Variants in PLD4 observed in about 807,000 individuals in gnomAD.
PLD4 encodes phospholipase D family member 4, also known as 5'-3' exonuclease PLD4.
PLD4 carries 54 observed loss-of-function variants against 52.3 expected under a neutral mutation model. That is an observed-to-expected ratio of 1.03 (90% CI 0.83 to 1.30). The LOEUF is 1.30. PLD4 is among the 50% of genes most tolerant of loss of function. PLD4 has a pLI of 0.00. For missense variants in PLD4, 731 were observed against 671.1 expected, an observed-to-expected ratio of 1.09 and a Z score of -0.99; for synonymous variants, 264 against 286.5, an observed-to-expected ratio of 0.92 and a Z score of 0.79.
chr14:104,933,438 C>T (rs942288646), downstream of PLD4: 11 of 153,806 alleles, frequency 7.2e-5, no homozygotes, highest in Non-Finnish European at 1.4e-4. Context: ...CCACCTCCCA[C>T]CCCGCGCCGG....
chr14:104,932,097 AACACGG>A lies in PLD4; in HGVS notation c.1147_1152del (p.Thr383_Asp384del), dbSNP rs780421637. 3.1e-6 allele frequency: 5 copies of A among 1,610,788 alleles called. No homozygotes were observed. The South Asian group carries it at 4.4e-5, about 14-fold the overall frequency. ...GCGCCTGCTGGTCGGCTGCGGACTCAACACGGACCCCACCATGTTCCCCTACCTGCG... is the reference window on the plus strand; with the variant it reads ...GCGCCTGCTGGTCGGCTGCGGACTCAACCCCACCATGTTCCCCTACCTGCG... On this transcript the variant is annotated inframe_deletion, in exon 9 of 11. Transcript: ENST00000392593. This position sits in a 1 kb window ranked among gnomAD's most constrained non-coding sequence, Gnocchi z 6.5.
In PLD4 at chr14:104,932,452, G is replaced by A; in HGVS notation, c.1321+97G>A. 7.6e-7 allele frequency: 1 copy of A among 1,317,062 alleles called. No individual in the cohort carries two copies. Among genetic ancestry groups the A allele is most frequent in the Non-Finnish European group, 1.1e-6 (1 of 935,936 alleles). 81.6% of individuals were successfully genotyped at this position (1,317,062 alleles called of 1,614,324 possible). On this transcript the variant is annotated intron_variant, in intron 10 of 10. Transcript: ENST00000392593. The surrounding 1 kb of genome is among the most constrained non-coding windows in gnomAD (Gnocchi z 6.5). ...TGACCGGCGTGGACACCTCAGGAGG[G>A]AGGGGCTGCTGCTGAAGGGGGACGG...
At chr14:104,926,432 C>T (rs964987436) in intron 1 of PLD4, among the ~76,000 whole-genome samples, 3 of 152,194 alleles carry the variant, frequency 2.0e-5, no homozygotes, top group Non-Finnish European at 2.9e-5. Context: ...GGCCTGGCTC[C>T]CAGCTCCTTG....
At chr14:104,925,712 G>A (rs1038566906) in intron 1 of PLD4, among the ~76,000 whole-genome samples, 3 of 152,052 alleles carry the variant, frequency 2.0e-5, no homozygotes, top group African/African-American at 7.2e-5. Flanking sequence ...CCGATGCTGG[G>A]CCCTGAATCC....
intron 3 of PLD4, 27 bp from the exon 4 acceptor site, chr14:104,928,722 C>A: frequency 6.5e-7 from 1 of 1,543,194 alleles, no homozygotes; most frequent in Non-Finnish European, 8.8e-7. Context: ...CGCACCCATA[C>A]TGAGCCCAGT....
Position 104,930,893 on chromosome 14 carries a change from A to T in PLD4, c.869A>T (p.Gln290Leu). The change falls in exon 7 of 11, where the codon CAG becomes CTG. Residue 290 changes from glutamine (Q) to leucine (L), a missense_variant. Physicochemically the swap from Gln to Leu is moderately radical, Grantham distance 113 (BLOSUM62 -2). Coordinates refer to ENST00000392593, the MANE Select transcript of PLD4 (RefSeq NM_138790.5). ...TTCTCATCTCACTTCAACCGTTTCCAGCCCTTCCACGGCCTCTTTGATGGG... is the reference window on the plus strand; with the variant it reads ...TTCTCATCTCACTTCAACCGTTTCCTGCCCTTCCACGGCCTCTTTGATGGG... ...QNFSSHFNRF[Q>L]PFHGLFDGVP... 1 of 1,613,514 alleles carries T rather than the reference A, an allele frequency of 6.2e-7. No individual in the cohort carries two copies. Among genetic ancestry groups the T allele is most frequent in the Non-Finnish European group, 8.5e-7 (1 of 1,180,026 alleles).
Position 104,927,810 on chromosome 14 carries a change from C to T in PLD4, c.228C>T (p.Ser76=), listed in dbSNP as rs146235762. 4.4e-4 allele frequency: 698 copies of T among 1,594,170 alleles called. 6 individuals carry two copies. The African/African-American group carries it at 7.3e-3, about 17-fold the overall frequency. The change falls in exon 3 of 11, where the codon TCC becomes TCT. Residue 76 remains serine, a synonymous_variant. Transcript: ENST00000392593. ...KDVPRSWEHG[S]SPAWEPLEAE... is the part of the protein sequence containing the mutation. ...TGCCCAGGTCCTGGGAGCATGGCTC[C>T]AGCCCAGCTTGGGAGCCCCTGGAAG...
Position 104,930,107 on chromosome 14 carries a change from T to G in PLD4, c.717+2T>G, listed in dbSNP as rs1377983281. On this transcript the variant is annotated splice_donor_variant, in intron 6 of 10. Coordinates refer to ENST00000392593, the MANE Select transcript of PLD4 (RefSeq NM_138790.5). LOFTEE classifies it high-confidence loss of function. ...ATGGACTGGCGGTCTCTGACGCAGG[T>G]GAGTGCCAGGGCCCTAACACAGGAG... The G allele has an allele frequency of 6.2e-7, 1 of 1,613,056 alleles. No homozygotes were observed. The highest frequency in any genetic ancestry group is 8.5e-7 in the Non-Finnish European group (1 of 1,179,958).
chr14:104,929,062 G>A (rs1897553757), intron 4 of PLD4, 130 bp downstream of exon 4: 1 of 1,297,460 alleles, frequency 7.7e-7, no homozygotes, highest in Non-Finnish European at 1.0e-6. Context: ...CATGGAACAG[G>A]GATTAGGCCG....
chr14:104,928,724 G>C (rs769672417), intron 3 of PLD4, 25 bp from the exon 4 acceptor site: 1 of 1,544,862 alleles, frequency 6.5e-7, no homozygotes, highest in Non-Finnish European at 8.8e-7. Flanking sequence ...CACCCATACT[G>C]AGCCCAGTGT....
chr14:104,926,539 C>T (rs1015390067), intron 1 of PLD4, among the ~76,000 whole-genome samples: 1 of 152,210 alleles, frequency 6.6e-6, no homozygotes, highest in Non-Finnish European at 1.5e-5. Flanking sequence ...CATCTCTGCC[C>T]TCTCCACGCC....
At chr14:104,926,646 G>A (rs1897465485) in intron 1 of PLD4, among the ~76,000 whole-genome samples, 1 of 152,206 alleles carries the variant, frequency 6.6e-6, no homozygotes, top group African/African-American at 2.4e-5. Context: ...CAGCCCAGGA[G>A]GGAAGCAGTT....
chr14:104,932,600 G>GT lies in PLD4; in HGVS notation c.1322-164dup, dbSNP rs1270952587. 6.6e-6 allele frequency among the ~76,000 whole-genome samples: 1 copy of GT among 152,224 alleles called. No homozygotes were observed. Among genetic ancestry groups the GT allele is most frequent in the East Asian group, 1.9e-4 (1 of 5,186 alleles). Reference sequence around the variant, plus strand: ...AGGTGGAGTTCTACCGCGACCAGCTGTCCCTCCCGCACCTAAGCGAGGGGC... The same window carrying GT: ...AGGTGGAGTTCTACCGCGACCAGCTGTTCCCTCCCGCACCTAAGCGAGGGGC... On this transcript the variant is annotated intron_variant, in intron 10 of 10. Coordinates refer to ENST00000392593, the MANE Select transcript of PLD4 (RefSeq NM_138790.5). This position sits in a 1 kb window ranked among gnomAD's most constrained non-coding sequence, Gnocchi z 6.5.
chr14:104,932,404 G>C lies in PLD4; in HGVS notation c.1321+49G>C, dbSNP rs774541480. On this transcript the variant is annotated intron_variant, in intron 10 of 10. Transcript: ENST00000392593. This position sits in a 1 kb window ranked among gnomAD's most constrained non-coding sequence, Gnocchi z 6.5. ...GGCGGGCCCCAGGGTGGCCAGGCAC[G>C]GGCGAGGGAGGCACTGGCTTTGTGA... 1.9e-6 allele frequency: 3 copies of C among 1,570,352 alleles called. No homozygotes were observed. Among genetic ancestry groups the C allele is most frequent in the African/African-American group, 1.4e-5 (1 of 73,952 alleles).
downstream of PLD4, chr14:104,934,034 C>CGGG (rs1448333484): frequency 3.9e-5 from 3 of 76,346 alleles, 1 homozygote; most frequent in Admixed American, 3.1e-4. Context: ...GGAGGGGACC[C>CGGG]GCGGCTGAGG....
chr14:104,931,869 G>T lies in PLD4; in HGVS notation c.1040G>T (p.Arg347Leu), dbSNP rs372744359. Residue 347 changes from arginine to leucine, a missense_variant, in exon 8 of 11, where the codon CGC becomes CTC. Transcript: ENST00000392593. ...ASVMEYFPTT[R>L]FSHPPRYWPV... is the part of the protein sequence containing the mutation. The stretch of plus-strand genomic sequence containing the variant: ...GTGATGGAGTATTTCCCCACCACGC[G>T]CTTCAGCCACCCCCCGAGGTAGGTC... 3 of 1,542,858 alleles carry T rather than the reference G, an allele frequency of 1.9e-6. No homozygotes were observed. The African/African-American group carries it at 4.1e-5, about 21-fold the overall frequency.
chr14:104,931,927 G>C (rs769022908), intron 8 of PLD4, 40 bp downstream of exon 8: 1 of 1,523,778 alleles, frequency 6.6e-7, no homozygotes, highest in South Asian at 1.3e-5. Flanking sequence ...CTCTGCTGAC[G>C]GGCAGCTCCT....
chr14:104,930,248 G>A (rs1467393405), intron 6 of PLD4, 143 bp downstream of exon 6: 2 of 1,137,268 alleles, frequency 1.8e-6, no homozygotes, highest in Non-Finnish European at 2.4e-6. Context: ...AACAACCGGA[G>A]ACTGGTCTAA....
Position 104,931,605 on chromosome 14 carries a change from G to A in PLD4, c.919-143G>A, listed in dbSNP as rs563504761. The A allele has an allele frequency of 3.7e-4, 438 of 1,184,236 alleles. 2 individuals are homozygous for A. The highest frequency in any genetic ancestry group is 4.9e-4 in the Non-Finnish European group (427 of 872,020). The allele number at this position is 1,184,236 out of a possible 1,614,324, so 73.4% of individuals were successfully genotyped here. On this transcript the variant is annotated intron_variant, in intron 7 of 10. Coordinates refer to ENST00000392593, the MANE Select transcript of PLD4 (RefSeq NM_138790.5). The stretch of plus-strand genomic sequence containing the variant: ...CAGTCCCCAGGACCCCTGTTGAGCC[G>A]ACCCCTTCTTTCCTCATATTTCCAG...
Sources: gnomAD v4.1 joint callset for allele counts (sites outside exome capture counted in the v4.1 genomes callset) on GRCh38, gnomAD v4.1.1 for gene constraint, Gnocchi (gnomAD v3.1) non-coding constraint, MANE v1.5 for transcripts, NCBI Gene and HGNC (gene_info 2026-07-23, HGNC 2026-07-21) for gene names.